FAM193A: variants seen among roughly 807,000 people sequenced by gnomAD.
FAM193A encodes protein FAM193A.
Under a neutral mutation model 126.5 loss-of-function variants are expected in FAM193A, and 22 were observed. The observed-to-expected ratio is 0.17, with a 90% CI of 0.12 to 0.25. The LOEUF is 0.25. Among genes scored for constraint, FAM193A ranks in the 10% least tolerant of loss-of-function variants. The pLI is 1.00. For synonymous variants in FAM193A, 761 were observed against 646.8 expected (o/e 1.18, Z -2.68); for missense variants, 1,675 against 1,672.8 (o/e 1.00, Z -0.02).
intron 1 of FAM193A, among the ~76,000 whole-genome samples, chr4:2,552,312 A>AT (rs71178477): frequency 6.6e-6 from 1 of 150,944 alleles, no homozygotes; most frequent in African/African-American, 2.4e-5. Context: ...CGCCCGGCTG[A>AT]TTTTTTTTTG....
chr4:2,573,416 G>T (rs1739404686), intron 1 of FAM193A, among the ~76,000 whole-genome samples: 1 of 151,940 alleles, frequency 6.6e-6, no homozygotes, highest in Non-Finnish European at 1.5e-5. Flanking sequence ...TGGAGGCTGG[G>T]GCAGGAGAAT....
chr4:2,699,981 C>G lies in FAM193A; in HGVS notation c.3809C>G (p.Pro1270Arg). 1 of 1,613,940 alleles carries G rather than the reference C, an allele frequency of 6.2e-7. No individual in the cohort carries two copies. The highest frequency in any genetic ancestry group is 8.5e-7 in the Non-Finnish European group (1 of 1,179,980). The stretch of plus-strand genomic sequence containing the variant: ...GGCTCACTAGAGCAAACTGAAGAAC[C>G]AGAAACCTCTTCTCACTCCCCATCC... ...HNGSLEQTEE[P>R]ETSSHSPSRH... The change falls in exon 19 of 21, where the codon CCA (proline) becomes CGA (arginine). Residue 1270 changes from proline to arginine, a missense_variant. By Grantham distance (103) the Pro-to-Arg change is moderately radical. Transcript: ENST00000637812.
chr4:2,709,348 C>G (rs1225274130), intron 19 of FAM193A, among the ~76,000 whole-genome samples: 1 of 152,128 alleles, frequency 6.6e-6, no homozygotes, highest in Non-Finnish European at 1.5e-5. Flanking sequence ...GGGTCTGTGA[C>G]TTCCGTTTTT....
intron 1 of FAM193A, among the ~76,000 whole-genome samples, chr4:2,543,727 G>A (rs1004053405): frequency 6.6e-5 from 10 of 151,652 alleles, no homozygotes; most frequent in African/African-American, 1.9e-4. Flanking sequence ...GCATGGTGAC[G>A]AGCGCCTGTA....
At chr4:2,561,374 A>T (rs768800242) in intron 1 of FAM193A, among the ~76,000 whole-genome samples, 2 of 151,304 alleles carry the variant, frequency 1.3e-5, no homozygotes, top group Non-Finnish European at 2.9e-5. Flanking sequence ...GTAGAGACAG[A>T]GTTTCACCAT....
At chr4:2,718,893 A>G (rs1383625321) in intron 20 of FAM193A, among the ~76,000 whole-genome samples, 1 of 152,212 alleles carries the variant, frequency 6.6e-6, no homozygotes, top group Non-Finnish European at 1.5e-5. Context: ...TGAATGGTCC[A>G]GTAACTACTA....
chr4:2,694,619 C>T (rs1224237697), intron 16 of FAM193A, among the ~76,000 whole-genome samples: 1 of 152,152 alleles, frequency 6.6e-6, no homozygotes. Context: ...CTGTTTGAAG[C>T]TATACCCCTT....
intron 1 of FAM193A, among the ~76,000 whole-genome samples, chr4:2,592,089 T>TATA (rs752554257): frequency 1.3e-4 from 20 of 152,164 alleles, no homozygotes; most frequent in Non-Finnish European, 2.8e-4. Flanking sequence ...TTCTGGTACA[T>TATA]ATATATAATT....
chr4:2,603,536 A>G (rs956930251), intron 2 of FAM193A, among the ~76,000 whole-genome samples: 1 of 144,708 alleles, frequency 6.9e-6, no homozygotes, highest in Non-Finnish European at 1.5e-5. Context: ...GGCTCACTGC[A>G]AGCTCCGCCT....
chr4:2,600,454 A>G (rs892994164), intron 2 of FAM193A, among the ~76,000 whole-genome samples: 3 of 152,074 alleles, frequency 2.0e-5, no homozygotes, highest in African/African-American at 7.2e-5. Flanking sequence ...TCATAACTTC[A>G]TGACTGCAAA....
intron 5 of FAM193A, among the ~76,000 whole-genome samples, chr4:2,634,966 C>T (rs1322298269): frequency 6.6e-6 from 1 of 152,162 alleles, no homozygotes; most frequent in Non-Finnish European, 1.5e-5. Context: ...TCTTTTTCTT[C>T]CACTTTCTCT....
intron 2 of FAM193A, among the ~76,000 whole-genome samples, chr4:2,620,399 C>G (rs968410732): frequency 6.6e-6 from 1 of 151,934 alleles, no homozygotes; most frequent in Non-Finnish European, 1.5e-5. Flanking sequence ...GTGTTGAAGA[C>G]ACATAAAAAA....
intron 20 of FAM193A, among the ~76,000 whole-genome samples, chr4:2,725,382 C>G (rs1247245911): frequency 7.3e-6 from 1 of 136,300 alleles, no homozygotes; most frequent in Non-Finnish European, 1.5e-5. Flanking sequence ...CCCAGGAGGT[C>G]GAGGTTGCAG....
At chr4:2,688,953 G>T (rs772418585) in intron 13 of FAM193A, among the ~76,000 whole-genome samples, 2 of 152,262 alleles carry the variant, frequency 1.3e-5, no homozygotes, top group African/African-American at 4.8e-5. Flanking sequence ...TTCAACAATG[G>T]TCTGCCCCAC....
At chr4:2,699,277 G>A (rs1717390752) in intron 18 of FAM193A, among the ~76,000 whole-genome samples, 4 of 152,124 alleles carry the variant, frequency 2.6e-5, no homozygotes, top group Admixed American at 2.6e-4. Flanking sequence ...GCAGTCTGTG[G>A]TATTGGTTAC....
Position 2,719,770 on chromosome 4 carries a change from TCCTCCCTCCCTCCCTC to T in FAM193A, c.4454+3678_4454+3693del, listed in dbSNP as rs147495184. Among the ~76,000 whole-genome samples, 6 of 127,162 alleles carry T rather than the reference TCCTCCCTCCCTCCCTC, an allele frequency of 4.7e-5. 1 individual carries two copies. The highest frequency in any genetic ancestry group is 3.1e-5 in the Non-Finnish European group (2 of 63,904). The allele number at this position is 127,162 out of a possible 152,430, so 83.4% of individuals were successfully genotyped here. ...AAAAAAAAAAAAAATCCTCCTTCCT[TCCTCCCTCCCTCCCTC>T]CCTCCCTCCCTTCCTTCCTTCTGAC... is the stretch of plus-strand genomic sequence containing the variant. On this transcript the variant is annotated intron_variant, in intron 20 of 20. Coordinates refer to ENST00000637812, the MANE Select transcript of FAM193A (RefSeq NM_001366318.2).
intron 18 of FAM193A, 115 bp from the exon 19 acceptor site, chr4:2,699,565 C>T (rs917503554): frequency 2.0e-6 from 2 of 1,003,992 alleles, no homozygotes; most frequent in African/African-American, 1.6e-5. Context: ...ATTACAGCCT[C>T]TTCAGAGTTT....
chr4:2,704,559 T>C (rs1370686108), intron 19 of FAM193A, among the ~76,000 whole-genome samples: 3 of 151,922 alleles, frequency 2.0e-5, no homozygotes, highest in Non-Finnish European at 2.9e-5. Flanking sequence ...AGCAAGACCC[T>C]ATCTGAAAAA....
chr4:2,731,222 A>C (rs1373495697), intron 20 of FAM193A, among the ~76,000 whole-genome samples: 7 of 139,548 alleles, frequency 5.0e-5, no homozygotes, highest in African/African-American at 1.0e-4. Flanking sequence ...AAAAAAAAAA[A>C]AACCGGTGTG....
Sources: allele counts gnomAD v4.1 joint callset (sites outside exome capture counted in the v4.1 genomes callset), GRCh38; gene constraint gnomAD v4.1.1; transcripts MANE v1.5; gene names NCBI Gene and HGNC (gene_info 2026-07-23, HGNC 2026-07-21).